CARHSP1: variants seen among roughly 807,000 people sequenced by gnomAD.
CARHSP1 encodes calcium-regulated heat-stable protein 1.
Under a neutral mutation model 12.5 loss-of-function variants are expected in CARHSP1, and 14 were observed. That is an observed-to-expected ratio of 1.12 (90% CI 0.74 to 1.75). The LOEUF is 1.75. Among genes scored for constraint, CARHSP1 ranks in the 40% most tolerant of loss-of-function variants. The pLI, the probability that CARHSP1 is intolerant of heterozygous loss-of-function variation, is 0.00. For missense variants in CARHSP1, 343 were observed against 201.6 expected, an observed-to-expected ratio of 1.70 and a Z score of -4.25; for synonymous variants, 161 against 82.0, an observed-to-expected ratio of 1.96 and a Z score of -5.20.
chr16:8,860,471 C>T (rs1167977032), intron 1 of CARHSP1: 41 of 985,274 alleles, frequency 4.2e-5, no homozygotes, highest in Non-Finnish European at 4.9e-5. Context: ...AAGGTGTCGG[C>T]TCTAACGTGG....
intron 3 of CARHSP1, among the ~76,000 whole-genome samples, chr16:8,856,924 A>C (rs1596525669): frequency 6.6e-6 from 1 of 151,890 alleles, no homozygotes; most frequent in African/African-American, 2.4e-5. Context: ...GTTTTCAGAC[A>C]CTCAGGAAGG....
At chr16:8,857,275 T>TGTTTTTTTTTTTTG (rs745394430) in intron 3 of CARHSP1, among the ~76,000 whole-genome samples, 2 of 100,632 alleles carry the variant, frequency 2.0e-5, no homozygotes, top group African/African-American at 9.9e-5. Flanking sequence ...TTTTTTTTTT[T>TGTTTTTTTTTTTTG]TTTTTTTTTT....
At chr16:8,861,779 A>T in intron 1 of CARHSP1, 1 of 1,267,214 alleles carries the variant, frequency 7.9e-7, no homozygotes, top group Non-Finnish European at 1.0e-6. Flanking sequence ...CCCCCGCATG[A>T]CCTACCAGCA....
At chr16:8,858,136 TCAC>T in intron 3 of CARHSP1, 1 of 593,354 alleles carries the variant, frequency 1.7e-6, no homozygotes. Context: ...GCCCCCAGCC[TCAC>T]ATCCCCCAAC....
intron 3 of CARHSP1, among the ~76,000 whole-genome samples, chr16:8,855,862 G>A (rs901164002): frequency 6.6e-6 from 1 of 152,136 alleles, no homozygotes; most frequent in Non-Finnish European, 1.5e-5. Context: ...TTGTTCTGTT[G>A]CCCAGGCTGG....
chr16:8,858,841 C>G, intron 2 of CARHSP1: 1 of 409,610 alleles, frequency 2.4e-6, no homozygotes, highest in Non-Finnish European at 4.4e-6. Flanking sequence ...TCCTTTGCAG[C>G]CCTGGTGCTG....
intron 1 of CARHSP1, chr16:8,859,668 G>T: frequency 5.3e-6 from 1 of 190,400 alleles, no homozygotes. Context: ...AGGGAAGGAG[G>T]AAGGTGAGCA....
At chr16:8,868,604 C>G (rs1343594910) in intron 1 of CARHSP1, 3 of 151,580 alleles carry the variant, frequency 2.0e-5, no homozygotes, top group African/African-American at 4.8e-5. Flanking sequence ...CCCCCCGCGC[C>G]TCGCCCCACC....
At chr16:8,858,523 CA>C in intron 2 of CARHSP1, 51 bp from the exon 3 acceptor site, 1 of 1,598,624 alleles carries the variant, frequency 6.3e-7, no homozygotes, top group Non-Finnish European at 8.5e-7. Context: ...CCTGGGCACA[CA>C]AAGCTCATTC....
rs2061046772 is a variant in CARHSP1, at chr16:8,854,897, C to T, written c.*267G>A. 2 of 302,766 alleles carry T rather than the reference C, an allele frequency of 6.6e-6. No individual in the cohort carries two copies. The highest frequency in any genetic ancestry group is 1.2e-5 in the Non-Finnish European group (2 of 165,178). The allele number at this position is 302,766 out of a possible 1,614,324, so 18.8% of individuals were successfully genotyped here. A position where few individuals can be genotyped will look rare whatever the true frequency, so the allele number is the denominator to read the frequency against. On this transcript the variant is annotated 3_prime_UTR_variant, in exon 4 of 4. Coordinates refer to ENST00000311052, the MANE Select transcript of CARHSP1 (RefSeq NM_014316.4). ...GATGGGGTTGGAACCTCCACTCAGC[C>T]ACCAGTGGGCACCTCTCCTTTTTAA...
chr16:8,858,657 G>T (rs961887048), intron 2 of CARHSP1, 185 bp from the exon 3 acceptor site: 28 of 698,904 alleles, frequency 4.0e-5, no homozygotes, highest in Non-Finnish European at 5.9e-5. Flanking sequence ...TGGGGGAAAG[G>T]ACTCTTTGGA....
chr16:8,863,672 A>G (rs1486053075), intron 1 of CARHSP1, among the ~76,000 whole-genome samples: 2 of 152,096 alleles, frequency 1.3e-5, no homozygotes, highest in Non-Finnish European at 2.9e-5. Context: ...AGGCCTGGCC[A>G]AGGGCCACTC....
chr16:8,861,071 ATTTT>A (rs905263809), intron 1 of CARHSP1, among the ~76,000 whole-genome samples: 1 of 136,498 alleles, frequency 7.3e-6, no homozygotes, highest in African/African-American at 2.8e-5. Context: ...AATAACTTTT[ATTTT>A]TTTGAGACAG....
chr16:8,865,288 T>G (rs2061436448), intron 1 of CARHSP1, among the ~76,000 whole-genome samples: 1 of 152,160 alleles, frequency 6.6e-6, no homozygotes, highest in Non-Finnish European at 1.5e-5. Flanking sequence ...TGTTGTATTT[T>G]TAGTAGAGAC....
chr16:8,858,241 C>A, intron 3 of CARHSP1, 109 bp downstream of exon 3: 2 of 1,298,706 alleles, frequency 1.5e-6, no homozygotes, highest in Non-Finnish European at 2.1e-6. Context: ...CAGGCCCAGC[C>A]ATTCGTCCTC....
In CARHSP1 at chr16:8,866,196, C is replaced by G. The variant is rs193099765; in HGVS notation, c.-8+2770G>C. 2.4e-3 allele frequency among the ~76,000 whole-genome samples: 370 copies of G among 152,318 alleles called. 1 individual carries two copies. Among genetic ancestry groups the G allele is most frequent in the Admixed American group, 4.2e-3 (64 of 15,300 alleles). On this transcript the variant is annotated intron_variant, in intron 1 of 3. Transcript: ENST00000311052. ...CTCGACCTCCCAGGCTCAAGAGATT[C>G]TCCCACCCCGGCCTCCCAAAGTGCT...
At chr16:8,867,774 G>A (rs2061475158) in intron 1 of CARHSP1, 1 of 152,392 alleles carries the variant, frequency 6.6e-6, no homozygotes, top group Non-Finnish European at 1.5e-5. Flanking sequence ...CCCGAGCCCA[G>A]AGGAGGGCCA....
intron 1 of CARHSP1, among the ~76,000 whole-genome samples, chr16:8,863,892 G>T (rs980229189): frequency 3.3e-5 from 5 of 152,178 alleles, no homozygotes; most frequent in African/African-American, 4.8e-5. Flanking sequence ...CACCAGCACA[G>T]TCCCAGCTTC....
At chr16:8,868,824 C>T (rs1232299006) in intron 1 of CARHSP1, 142 bp downstream of exon 1, 1 of 152,112 alleles carries the variant, frequency 6.6e-6, no homozygotes, top group African/African-American at 2.4e-5. Flanking sequence ...GAAACCCAGC[C>T]CGGAGCCCTC....
Sources: allele counts gnomAD v4.1 joint callset (sites outside exome capture counted in the v4.1 genomes callset), GRCh38; gene constraint gnomAD v4.1.1; transcripts MANE v1.5; gene names NCBI Gene and HGNC (gene_info 2026-07-23, HGNC 2026-07-21).